MARCHF1: variants seen among roughly 807,000 people sequenced by gnomAD.
MARCHF1 encodes the protein membrane associated ring-CH-type finger 1, also known as E3 ubiquitin-protein ligase MARCHF1.
Under a neutral mutation model 54.2 loss-of-function variants are expected in MARCHF1, and 40 were observed. The ratio of observed to expected loss-of-function variants is 0.74; its 90% CI spans 0.57 to 0.96. The LOEUF is 0.96. MARCHF1 is among the 40% of genes least tolerant of loss of function. MARCHF1 has a pLI of 0.00. For synonymous variants in MARCHF1, 236 were observed against 236.3 expected, an observed-to-expected ratio of 1.00 and a Z score of 0.01; for missense variants, 586 against 656.5, an observed-to-expected ratio of 0.89 and a Z score of 1.17.
chr4:163,955,604 C>T (rs1752216869), intron 3 of MARCHF1, among the ~76,000 whole-genome samples: 2 of 152,126 alleles, frequency 1.3e-5, no homozygotes, highest in Non-Finnish European at 2.9e-5. Context: ...TTGCCTGTCT[C>T]ACTCATTCAC....
intron 1 of MARCHF1, among the ~76,000 whole-genome samples, chr4:164,184,077 T>C (rs1730903001): frequency 1.3e-5 from 2 of 152,230 alleles, no homozygotes; most frequent in South Asian, 2.1e-4. Flanking sequence ...GAGGCAATAA[T>C]GGGAAAACAT....
At chr4:163,848,580 C>T (rs111593686) in intron 4 of MARCHF1, among the ~76,000 whole-genome samples, 3,157 of 152,124 alleles carry the variant, frequency 0.021, 124 homozygotes, top group African/African-American at 0.072. Context: ...TATTGAAACT[C>T]TTATTTGATT....
chr4:163,945,933 C>A (rs1027118895), intron 3 of MARCHF1, among the ~76,000 whole-genome samples: 1 of 151,922 alleles, frequency 6.6e-6, no homozygotes, highest in Non-Finnish European at 1.5e-5. Context: ...CTCACAGCTT[C>A]CCTAGTTTTT....
intron 8 of MARCHF1, among the ~76,000 whole-genome samples, chr4:163,580,059 T>TCTA (rs1740174277): frequency 7.0e-6 from 1 of 142,682 alleles, no homozygotes; most frequent in African/African-American, 2.7e-5. Context: ...TAGAGCCTTA[T>TCTA]TTATTATTTA....
intron 2 of MARCHF1, among the ~76,000 whole-genome samples, chr4:164,081,909 A>G (rs1407952913): frequency 1.3e-5 from 2 of 152,186 alleles, no homozygotes; most frequent in African/African-American, 4.8e-5. Flanking sequence ...ATTAATAGTC[A>G]TCTTGACTAA....
chr4:163,670,649 T>C (rs957876797), intron 5 of MARCHF1, among the ~76,000 whole-genome samples: 6 of 152,108 alleles, frequency 3.9e-5, no homozygotes, highest in African/African-American at 1.2e-4. Flanking sequence ...CTTACATTCA[T>C]GCTTTATGGA....
chr4:163,839,495 G>T (rs1269317458), intron 4 of MARCHF1, among the ~76,000 whole-genome samples: 1 of 151,960 alleles, frequency 6.6e-6, no homozygotes, highest in Non-Finnish European at 1.5e-5. Flanking sequence ...AATAAAATAG[G>T]TTGTATTCAT....
intron 3 of MARCHF1, among the ~76,000 whole-genome samples, chr4:163,879,230 G>A (rs1405480134): frequency 6.6e-6 from 1 of 152,098 alleles, no homozygotes; most frequent in African/African-American, 2.4e-5. Context: ...GTGTCCTGGG[G>A]AACAAACTGG....
At chr4:164,070,533 C>T (rs1754840077) in intron 2 of MARCHF1, among the ~76,000 whole-genome samples, 1 of 152,104 alleles carries the variant, frequency 6.6e-6, no homozygotes, top group African/African-American at 2.4e-5. Flanking sequence ...TCTGATTTGC[C>T]TGGGATGGTC....
intron 3 of MARCHF1, among the ~76,000 whole-genome samples, chr4:163,930,812 T>A (rs1249872463): frequency 6.6e-6 from 1 of 152,144 alleles, no homozygotes; most frequent in Non-Finnish European, 1.5e-5. Flanking sequence ...TTAAAGTTGA[T>A]GCTGAATAAG....
At chr4:163,971,993 A>G (rs182506362) in intron 3 of MARCHF1, among the ~76,000 whole-genome samples, 152 of 152,376 alleles carry the variant, frequency 1.0e-3, no homozygotes, top group African/African-American at 3.3e-3. Flanking sequence ...CATGGCACAT[A>G]TACACCATAG....
chr4:164,218,709 G>A (rs1732003363), intron 1 of MARCHF1, among the ~76,000 whole-genome samples: 1 of 125,264 alleles, frequency 8.0e-6, no homozygotes, highest in South Asian at 3.3e-4. Flanking sequence ...GTGGGGTGGG[G>A]GGAGGGGGAG....
chr4:164,273,616 T>A (rs1173020601), intron 1 of MARCHF1, among the ~76,000 whole-genome samples: 1 of 152,200 alleles, frequency 6.6e-6, no homozygotes, highest in Non-Finnish European at 1.5e-5. Context: ...GAACGTGGCC[T>A]TGTAAGAAAG....
intron 5 of MARCHF1, among the ~76,000 whole-genome samples, chr4:163,676,125 C>T (rs1743904429): frequency 6.7e-6 from 1 of 148,196 alleles, no homozygotes; most frequent in African/African-American, 2.5e-5. Context: ...GGTGGATCAC[C>T]TGAGGTCAGG....
intron 3 of MARCHF1, among the ~76,000 whole-genome samples, chr4:163,884,110 T>C (rs1750478843): frequency 6.6e-6 from 1 of 152,136 alleles, no homozygotes; most frequent in African/African-American, 2.4e-5. Context: ...AAGGAGTTGA[T>C]GGTTGATTGT....
chr4:163,641,868 C>T (rs553156878), intron 5 of MARCHF1, among the ~76,000 whole-genome samples: 1 of 152,202 alleles, frequency 6.6e-6, no homozygotes, highest in East Asian at 1.9e-4. Flanking sequence ...TCAGACTTTC[C>T]TAATTTCTTT....
chr4:163,772,750 G>A (rs531402276), intron 4 of MARCHF1, among the ~76,000 whole-genome samples: 18 of 22,952 alleles, frequency 7.8e-4, no homozygotes, highest in South Asian at 2.4e-3. Context: ...AGGCTAGGGC[G>A]TTCAAATAAC....
chr4:163,654,541 G>A (rs879706066), intron 5 of MARCHF1, among the ~76,000 whole-genome samples: 12 of 151,414 alleles, frequency 7.9e-5, no homozygotes, highest in Admixed American at 4.0e-4. Flanking sequence ...CTGGGTTATT[G>A]GTGCATACAA....
intron 4 of MARCHF1, among the ~76,000 whole-genome samples, chr4:163,853,432 C>G (rs2111168795): frequency 6.6e-6 from 1 of 152,256 alleles, no homozygotes; most frequent in African/African-American, 2.4e-5. Context: ...CTAATGAGTG[C>G]TTTGTCCTAA....
Sources: gnomAD v4.1 joint callset for allele counts (sites outside exome capture counted in the v4.1 genomes callset) on GRCh38, gnomAD v4.1.1 for gene constraint, MANE v1.5 for transcripts, NCBI Gene and HGNC (gene_info 2026-07-23, HGNC 2026-07-21) for gene names.